Variants in BMERB1 observed in about 807,000 individuals in gnomAD.
BMERB1 encodes the protein bMERB domain containing 1.
In BMERB1, 12 loss-of-function variants were observed where a neutral mutation model predicts 23.6. The ratio of observed to expected loss-of-function variants is 0.51; its 90% CI spans 0.33 to 0.82. BMERB1 has a LOEUF of 0.82. Ranked by LOEUF, BMERB1 falls within the 40% of genes least tolerant of loss-of-function variation. The pLI is 0.03. For synonymous variants in BMERB1, 122 were observed against 96.6 expected (o/e 1.26, Z -1.54); for missense variants, 247 against 255.4 (o/e 0.97, Z 0.22).
chr16:15,476,962 C>G (rs2051279701), intron 1 of BMERB1, among the ~76,000 whole-genome samples: 1 of 152,144 alleles, frequency 6.6e-6, no homozygotes, highest in African/African-American at 2.4e-5. Flanking sequence ...TTCCATCAGT[C>G]TTTGGCTGGC....
At chr16:15,498,902 C>G (rs984596331) in intron 1 of BMERB1, among the ~76,000 whole-genome samples, 1 of 152,208 alleles carries the variant, frequency 6.6e-6, no homozygotes, top group Non-Finnish European at 1.5e-5. Flanking sequence ...GCCCCCAGCA[C>G]AAAGAAGCGT....
At position 15,490,842 on chromosome 16, in the gene BMERB1, T is replaced by A. The variant is rs1406860997; in HGVS notation, c.107-24463T>A. On this transcript the variant is annotated intron_variant, in intron 1 of 5. Coordinates refer to ENST00000300006, the MANE Select transcript of BMERB1 (RefSeq NM_033201.3). Reference sequence around the variant, plus strand: ...TTTATTGATTTTTATTCTTATTTTTTATTTTTATTTATTTATTTGAGACAG... The same window carrying A: ...TTTATTGATTTTTATTCTTATTTTTAATTTTTATTTATTTATTTGAGACAG... 2.6e-5 allele frequency among the ~76,000 whole-genome samples: 4 copies of A among 152,188 alleles called. No homozygotes were observed. The South Asian group carries it at 6.2e-4, about 24-fold the overall frequency.
At chr16:15,473,976 C>T (rs532230069) in intron 1 of BMERB1, among the ~76,000 whole-genome samples, 2 of 151,930 alleles carry the variant, frequency 1.3e-5, no homozygotes, top group South Asian at 4.2e-4. Context: ...AAAAATTAGC[C>T]GGGCGTGGTG....
chr16:15,524,161 T>G (rs546275148), intron 2 of BMERB1, among the ~76,000 whole-genome samples: 2 of 152,254 alleles, frequency 1.3e-5, no homozygotes, highest in East Asian at 1.9e-4. Flanking sequence ...CTGCGTCACT[T>G]TAGTTGCACA....
At chr16:15,567,957 C>T in intron 2 of BMERB1, 26 bp from the exon 3 acceptor site, 1 of 1,602,682 alleles carries the variant, frequency 6.2e-7, no homozygotes. Context: ...ATGTAACCTG[C>T]TGTTGATGGT....
chr16:15,518,253 A>G (rs910692829), intron 2 of BMERB1, among the ~76,000 whole-genome samples: 14 of 152,324 alleles, frequency 9.2e-5, no homozygotes, highest in African/African-American at 2.6e-4. Flanking sequence ...CAAATTATCT[A>G]AAGGATACAG....
chr16:15,477,712 G>A (rs923958794), intron 1 of BMERB1, among the ~76,000 whole-genome samples: 2 of 146,662 alleles, frequency 1.4e-5, no homozygotes, highest in African/African-American at 5.0e-5. Context: ...TTCTTAGAGC[G>A]TTTTTTTTTT....
chr16:15,459,342 TAAA>T (rs77131287), intron 1 of BMERB1, among the ~76,000 whole-genome samples: 2 of 138,614 alleles, frequency 1.4e-5, no homozygotes, highest in Non-Finnish European at 3.1e-5. Context: ...CAGACTGGAT[TAAA>T]AAAAAAAAAA....
At chr16:15,521,190 T>C (rs1273786884) in intron 2 of BMERB1, among the ~76,000 whole-genome samples, 2 of 152,238 alleles carry the variant, frequency 1.3e-5, no homozygotes, top group African/African-American at 4.8e-5. Context: ...TTGTCAGTGA[T>C]GGGCTTTCTA....
At chr16:15,449,022 G>A (rs886652792) in intron 1 of BMERB1, among the ~76,000 whole-genome samples, 1 of 152,130 alleles carries the variant, frequency 6.6e-6, no homozygotes, top group African/African-American at 2.4e-5. Context: ...CATAGGTGAG[G>A]TATAACATTT....
intron 1 of BMERB1, among the ~76,000 whole-genome samples, chr16:15,492,340 G>A (rs985521067): frequency 1.3e-5 from 2 of 152,128 alleles, no homozygotes; most frequent in African/African-American, 4.8e-5. Flanking sequence ...AGACACACAC[G>A]AGGTTCTGGA....
chr16:15,469,263 C>A (rs1321380051), intron 1 of BMERB1, among the ~76,000 whole-genome samples: 1 of 152,028 alleles, frequency 6.6e-6, no homozygotes, highest in Non-Finnish European at 1.5e-5. Context: ...ACTGCACCCA[C>A]CCTTCGCACC....
intron 1 of BMERB1, among the ~76,000 whole-genome samples, chr16:15,458,908 C>A (rs2051111597): frequency 6.6e-6 from 1 of 152,006 alleles, no homozygotes; most frequent in African/African-American, 2.4e-5. Context: ...AGTTTGAGAC[C>A]AGCCTGGCCA....
intron 1 of BMERB1, among the ~76,000 whole-genome samples, chr16:15,489,207 C>T (rs960532057): frequency 4.6e-5 from 7 of 152,216 alleles, no homozygotes; most frequent in Non-Finnish European, 8.8e-5. Context: ...GTCCTGGGAG[C>T]GGTGGTGCCA....
At chr16:15,516,461 A>G (rs535094943) in intron 2 of BMERB1, among the ~76,000 whole-genome samples, 508 of 152,316 alleles carry the variant, frequency 3.3e-3, no homozygotes, top group Non-Finnish European at 5.7e-3. Context: ...TAAAAACATC[A>G]AATTAAAATG....
At chr16:15,536,198 GA>G (rs2052022935) in intron 2 of BMERB1, among the ~76,000 whole-genome samples, 1 of 152,110 alleles carries the variant, frequency 6.6e-6, no homozygotes, top group South Asian at 2.1e-4. Flanking sequence ...ATGAGACAAG[GA>G]GGTGATCTGA....
At chr16:15,445,677 C>T (rs2050982659) in intron 1 of BMERB1, among the ~76,000 whole-genome samples, 1 of 152,148 alleles carries the variant, frequency 6.6e-6, no homozygotes, top group African/African-American at 2.4e-5. Context: ...ACCCTCATGC[C>T]TTGCTGGTAG....
chr16:15,515,554 C>T (rs2051740427), intron 2 of BMERB1, 126 bp downstream of exon 2: 2 of 1,313,092 alleles, frequency 1.5e-6, no homozygotes, highest in Non-Finnish European at 1.0e-6. Context: ...TTTTAAAAGC[C>T]TCATTTGATT....
intron 3 of BMERB1, among the ~76,000 whole-genome samples, chr16:15,568,772 G>C (rs941353981): frequency 6.6e-6 from 1 of 152,168 alleles, no homozygotes; most frequent in African/African-American, 2.4e-5. Flanking sequence ...TCCTACTTGG[G>C]AACAGATGAA....
Sources: allele counts gnomAD v4.1 joint callset (sites outside exome capture counted in the v4.1 genomes callset), GRCh38; gene constraint gnomAD v4.1.1; transcripts MANE v1.5; gene names NCBI Gene and HGNC (gene_info 2026-07-23, HGNC 2026-07-21).